CSMD1: variants seen among roughly 807,000 people sequenced by gnomAD.
CSMD1 encodes CUB and sushi domain-containing protein 1.
In CSMD1, 213 loss-of-function variants were observed where a neutral mutation model predicts 417.5. The ratio of observed to expected loss-of-function variants is 0.51; its 90% confidence interval spans 0.46 to 0.57. The LOEUF (loss-of-function observed/expected upper bound fraction) is 0.57, where lower values mean the gene tolerates loss of function less well. Among genes scored for constraint, CSMD1 ranks in the 20% least tolerant of loss-of-function variants. CSMD1 has a pLI of 0.00. For synonymous variants in CSMD1, 2,862 were observed against 1,736.8 expected (o/e 1.65, Z -16.11); for missense variants, 6,923 against 4,529.7 (o/e 1.53, Z -15.17).
At chr8:4,220,412 C>A (rs1191199165) in intron 3 of CSMD1, among the ~76,000 whole-genome samples, 1 of 152,168 alleles carries the variant, frequency 6.6e-6, no homozygotes, top group Non-Finnish European at 1.5e-5. Context: ...TAGTGTTTAG[C>A]AGTATGCGAC....
In CSMD1 at chr8:4,308,620, C is replaced by T. The variant is rs114794254; in HGVS notation, c.415+111333G>A. 6.0e-3 allele frequency among the ~76,000 whole-genome samples: 920 copies of T among 152,216 alleles called. 12 individuals carry two copies. Among genetic ancestry groups the T allele is most frequent in the African/African-American group, 0.021 (872 of 41,534 alleles). On this transcript the variant is annotated intron_variant, in intron 3 of 69. Transcript: ENST00000635120. Reference sequence around the variant, plus strand: ...TAATGGAGAGAATTTGTTAAGCCTGCTTTGGAAAACTAAGGATTCTTATTC... The same window carrying T: ...TAATGGAGAGAATTTGTTAAGCCTGTTTTGGAAAACTAAGGATTCTTATTC...
intron 3 of CSMD1, among the ~76,000 whole-genome samples, chr8:4,240,003 G>A (rs756611279): frequency 6.6e-6 from 1 of 152,184 alleles, no homozygotes; most frequent in Non-Finnish European, 1.5e-5. Flanking sequence ...CATAAGGCGT[G>A]TTCTGTGTTT....
chr8:2,949,207 C>T, intron 68 of CSMD1, 92 bp downstream of exon 68: 1 of 701,806 alleles, frequency 1.4e-6, no homozygotes, highest in East Asian at 2.7e-5. Context: ...GTTTAGGTTT[C>T]TTTTAGAGTC....
intron 54 of CSMD1, among the ~76,000 whole-genome samples, chr8:2,995,408 G>A (rs1415626954): frequency 6.6e-6 from 1 of 152,212 alleles, no homozygotes; most frequent in Non-Finnish European, 1.5e-5. Flanking sequence ...ATGCTGGACA[G>A]GATGTAGAGA....
chr8:4,731,181 G>C (rs1264914931), intron 1 of CSMD1, among the ~76,000 whole-genome samples: 14 of 152,152 alleles, frequency 9.2e-5, no homozygotes, highest in Non-Finnish European at 1.8e-4. Flanking sequence ...GAAAGTTAAA[G>C]AGAAATTCCA....
intron 5 of CSMD1, among the ~76,000 whole-genome samples, chr8:3,981,855 G>C (rs1813896660): frequency 6.6e-6 from 1 of 152,126 alleles, no homozygotes; most frequent in Non-Finnish European, 1.5e-5. Context: ...CTTGCTGCAG[G>C]GAGTAATGCA....
At chr8:3,530,183 T>C (rs1162545844) in intron 10 of CSMD1, among the ~76,000 whole-genome samples, 1 of 152,208 alleles carries the variant, frequency 6.6e-6, no homozygotes, top group Non-Finnish European at 1.5e-5. Context: ...CCAATCTTTA[T>C]TAATTCCTTC....
In CSMD1 at chr8:4,673,109, G is replaced by A. The variant is rs369421177; in HGVS notation, c.86-35551C>T. On this transcript the variant is annotated intron_variant, in intron 1 of 69. Transcript: ENST00000635120. ...AACAACACACAAGCATGGTGACATG[G>A]CACACACACATCTGTAGCAAACTGA... 2.6e-5 allele frequency among the ~76,000 whole-genome samples: 4 copies of A among 151,998 alleles called. No homozygotes were observed. In the East Asian group the frequency reaches 5.8e-4, roughly 22 times the overall value.
intron 3 of CSMD1, among the ~76,000 whole-genome samples, chr8:4,204,716 C>A (rs543263529): frequency 6.6e-6 from 1 of 152,112 alleles, no homozygotes; most frequent in Non-Finnish European, 1.5e-5. Context: ...ATGCAGCAGT[C>A]AGATCATAGC....
chr8:4,307,326 C>T (rs1798304355), intron 3 of CSMD1, among the ~76,000 whole-genome samples: 1 of 152,116 alleles, frequency 6.6e-6, no homozygotes, highest in South Asian at 2.1e-4. Context: ...CACATGTCCA[C>T]ATTGAGGCTG....
chr8:4,670,043 T>C (rs908612355), intron 1 of CSMD1, among the ~76,000 whole-genome samples: 24 of 152,330 alleles, frequency 1.6e-4, no homozygotes, highest in African/African-American at 5.5e-4. Flanking sequence ...TGAACCCTGC[T>C]AGGAGAAACT....
At chr8:4,652,469 A>G (rs1043207845) in intron 1 of CSMD1, among the ~76,000 whole-genome samples, 1 of 152,052 alleles carries the variant, frequency 6.6e-6, no homozygotes, top group East Asian at 1.9e-4. Context: ...GCAGCCTACC[A>G]GAAAGAACCA....
rs574946381 is a variant in CSMD1 at position 3,711,086 on chromosome 8, A to G, written c.932-2595T>C. 5.7e-4 allele frequency among the ~76,000 whole-genome samples: 87 copies of G among 152,304 alleles called. 2 individuals are homozygous for G. The highest frequency in any genetic ancestry group is 2.0e-3 in the African/African-American group (83 of 41,564). Reference sequence around the variant, plus strand: ...TATTTTCCTATAGCAAATGTTTGCTATATTTCCTATAGCAATATTTTCCCC... The same window carrying G: ...TATTTTCCTATAGCAAATGTTTGCTGTATTTCCTATAGCAATATTTTCCCC... On this transcript the variant is annotated intron_variant, in intron 6 of 69. Transcript: ENST00000635120.
rs1171493070 is a variant in CSMD1, at chr8:4,082,746, T to G, written c.416-50647A>C. ...GTCATTTAGCATTAGGTATATCTCC[T>G]GATGCTATCCCTCCCCCCTCCCCCC... On this transcript the variant is annotated intron_variant, in intron 3 of 69. Coordinates refer to ENST00000635120, the MANE Select transcript of CSMD1 (RefSeq NM_033225.6). Among the ~76,000 whole-genome samples the G allele has an allele frequency of 1.8e-4, 27 of 147,296 alleles. 1 individual carries two copies. The highest frequency in any genetic ancestry group is 3.0e-5 in the Non-Finnish European group (2 of 66,750).
intron 25 of CSMD1, among the ~76,000 whole-genome samples, chr8:3,295,335 C>T (rs1326691314): frequency 2.6e-5 from 4 of 151,890 alleles, no homozygotes; most frequent in South Asian, 2.1e-4. Flanking sequence ...ACTGTGTTAG[C>T]CAGGAAGGTC....
At chr8:3,918,049 G>A (rs1338126811) in intron 5 of CSMD1, among the ~76,000 whole-genome samples, 2 of 152,000 alleles carry the variant, frequency 1.3e-5, no homozygotes, top group Admixed American at 6.6e-5. Flanking sequence ...TAAGGGGTGA[G>A]TAATATTTCA....
chr8:4,051,926 C>A (rs866983231), intron 3 of CSMD1, among the ~76,000 whole-genome samples: 1 of 99,242 alleles, frequency 1.0e-5, no homozygotes, highest in East Asian at 4.3e-4. Context: ...CTTTCTTTTT[C>A]TTTCTTTCTT....
chr8:3,802,892 G>C (rs991104146), intron 5 of CSMD1, among the ~76,000 whole-genome samples: 7 of 152,192 alleles, frequency 4.6e-5, no homozygotes, highest in Non-Finnish European at 7.4e-5. Context: ...AGAATAGTTT[G>C]ATTTGACAAA....
At chr8:4,993,972 G>T (rs1811618478) in intron 1 of CSMD1, among the ~76,000 whole-genome samples, 1 of 152,126 alleles carries the variant, frequency 6.6e-6, no homozygotes, top group African/African-American at 2.4e-5. Flanking sequence ...CAGCCACCCC[G>T]ACCCGTGGAG....
Sources: gnomAD v4.1 joint callset for allele counts (sites outside exome capture counted in the v4.1 genomes callset) on GRCh38, gnomAD v4.1.1 for gene constraint, MANE v1.5 for transcripts, NCBI Gene and HGNC (gene_info 2026-07-23, HGNC 2026-07-21) for gene names.